The following KCNIP4 variants were observed in gnomAD, a reference collection of about 807,000 sequenced individuals.
The protein encoded by KCNIP4 is potassium voltage-gated channel interacting protein 4.
Under a neutral mutation model 34.0 loss-of-function variants are expected in KCNIP4, and 12 were observed. The ratio of observed to expected loss-of-function variants is 0.35; its 90% CI spans 0.23 to 0.57. The LOEUF is 0.57. Among genes scored for constraint, KCNIP4 ranks in the 20% least tolerant of loss-of-function variants. KCNIP4 has a pLI of 0.83. For synonymous variants in KCNIP4, 124 were observed against 102.2 expected, an observed-to-expected ratio of 1.21 and a Z score of -1.29; for missense variants, 238 against 311.7, an observed-to-expected ratio of 0.76 and a Z score of 1.78.
chr4:20,968,653 C>G (rs1394719928), intron 1 of KCNIP4, among the ~76,000 whole-genome samples: 1 of 152,006 alleles, frequency 6.6e-6, no homozygotes, highest in African/African-American at 2.4e-5. Flanking sequence ...TGGAAACCAT[C>G]ATTCTCAGCA....
chr4:21,287,558 G>T (rs1265338101), intron 1 of KCNIP4, among the ~76,000 whole-genome samples: 1 of 152,168 alleles, frequency 6.6e-6, no homozygotes, highest in East Asian at 1.9e-4. Flanking sequence ...CCATGTGTCA[G>T]ATGAGGAACC....
At chr4:21,881,175 T>C (rs958955958) in intron 1 of KCNIP4, among the ~76,000 whole-genome samples, 2 of 152,168 alleles carry the variant, frequency 1.3e-5, no homozygotes, top group African/African-American at 4.8e-5. Context: ...TTTGCTGTTC[T>C]GTCTTGACTA....
intron 4 of KCNIP4, among the ~76,000 whole-genome samples, chr4:20,753,128 C>G (rs1339563619): frequency 4.6e-5 from 7 of 152,088 alleles, no homozygotes; most frequent in Non-Finnish European, 1.0e-4. Context: ...TTTACAGATT[C>G]TTAGGGTGGG....
At chr4:21,139,594 A>G (rs1751779489) in intron 1 of KCNIP4, among the ~76,000 whole-genome samples, 1 of 152,052 alleles carries the variant, frequency 6.6e-6, no homozygotes, top group African/African-American at 2.4e-5. Flanking sequence ...CCCACATCCA[A>G]AGAGACATGA....
At chr4:21,629,182 G>A (rs1476608660) in intron 1 of KCNIP4, among the ~76,000 whole-genome samples, 1 of 152,142 alleles carries the variant, frequency 6.6e-6, no homozygotes, top group African/African-American at 2.4e-5. Flanking sequence ...CAGTGCAAAA[G>A]AAAAGCTTGG....
intron 3 of KCNIP4, among the ~76,000 whole-genome samples, chr4:20,777,302 A>G (rs1251112778): frequency 2.6e-5 from 4 of 152,140 alleles, no homozygotes; most frequent in Non-Finnish European, 5.9e-5. Context: ...TGAGAATAGC[A>G]TGGGGGCAAC....
chr4:21,442,651 T>C (rs929852810), intron 1 of KCNIP4, among the ~76,000 whole-genome samples: 3 of 152,228 alleles, frequency 2.0e-5, no homozygotes, highest in Admixed American at 6.5e-5. Context: ...TTTTCACTGA[T>C]GGCTTTCCAT....
chr4:21,519,652 A>G (rs1273023524), intron 1 of KCNIP4, among the ~76,000 whole-genome samples: 1 of 140,328 alleles, frequency 7.1e-6, no homozygotes, highest in Non-Finnish European at 1.5e-5. Flanking sequence ...GTGTGTATGT[A>G]TGTGTATATA....
At chr4:20,988,173 G>A (rs1736766929) in intron 1 of KCNIP4, among the ~76,000 whole-genome samples, 1 of 152,048 alleles carries the variant, frequency 6.6e-6, no homozygotes, top group African/African-American at 2.4e-5. Flanking sequence ...GGTATACTCG[G>A]TACCAGGTTC....
chr4:20,775,428 C>A lies in KCNIP4; in HGVS notation c.289-16538G>T, dbSNP rs187085041. 2.4e-3 allele frequency among the ~76,000 whole-genome samples: 369 copies of A among 151,226 alleles called. 3 individuals are homozygous for A. Among genetic ancestry groups the A allele is most frequent in the African/African-American group, 8.5e-3 (352 of 41,186 alleles). On this transcript the variant is annotated intron_variant, in intron 3 of 8. Coordinates refer to ENST00000382152, the MANE Select transcript of KCNIP4 (RefSeq NM_025221.6). ...AATAATAACGAGTCCAGGCCAGACA[C>A]AGTGGTTCATGCCTGTAATCCCAGC... is the stretch of plus-strand genomic sequence containing the variant.
intron 1 of KCNIP4, among the ~76,000 whole-genome samples, chr4:21,556,810 A>G (rs545907713): frequency 3.8e-4 from 57 of 151,192 alleles, no homozygotes; most frequent in Non-Finnish European, 7.7e-4. Context: ...AATCCCAGCT[A>G]CTCAGGAGGC....
At chr4:21,571,370 C>T (rs1740356301) in intron 1 of KCNIP4, among the ~76,000 whole-genome samples, 2 of 152,282 alleles carry the variant, frequency 1.3e-5, no homozygotes, top group South Asian at 4.1e-4. Context: ...CCTGCACATC[C>T]ATGCAGACCT....
At chr4:20,932,628 C>T (rs1730597478) in intron 1 of KCNIP4, among the ~76,000 whole-genome samples, 2 of 151,960 alleles carry the variant, frequency 1.3e-5, no homozygotes. Context: ...ACCATAGTAA[C>T]CATTTTACTA....
chr4:21,221,032 A>G (rs1046089017), intron 1 of KCNIP4, among the ~76,000 whole-genome samples: 2 of 152,208 alleles, frequency 1.3e-5, no homozygotes, highest in African/African-American at 4.8e-5. Context: ...AGGTATTTAA[A>G]TTAGCTACAG....
intron 1 of KCNIP4, among the ~76,000 whole-genome samples, chr4:21,073,241 T>A (rs1745146595): frequency 2.0e-5 from 3 of 152,188 alleles, no homozygotes; most frequent in Admixed American, 1.3e-4. Flanking sequence ...TTGGGCAGTA[T>A]GGCCATTTTC....
chr4:21,154,120 C>G (rs1752969564), intron 1 of KCNIP4, among the ~76,000 whole-genome samples: 1 of 151,930 alleles, frequency 6.6e-6, no homozygotes, highest in Admixed American at 6.6e-5. Flanking sequence ...AGTTGTTTGC[C>G]CTTATATATA....
chr4:21,446,555 T>C (rs1280690005), intron 1 of KCNIP4, among the ~76,000 whole-genome samples: 4 of 140,428 alleles, frequency 2.8e-5, no homozygotes, highest in Admixed American at 7.9e-5. Context: ...TGTTCTCACT[T>C]ATAGGTGGGA....
At chr4:20,792,303 G>A (rs772011540) in intron 3 of KCNIP4, among the ~76,000 whole-genome samples, 4 of 152,032 alleles carry the variant, frequency 2.6e-5, no homozygotes, top group African/African-American at 9.7e-5. Flanking sequence ...GAACCCGGGG[G>A]CAGAGGTTGC....
intron 1 of KCNIP4, among the ~76,000 whole-genome samples, chr4:21,725,801 A>C (rs1429642450): frequency 6.6e-6 from 1 of 152,146 alleles, no homozygotes; most frequent in Non-Finnish European, 1.5e-5. Flanking sequence ...TCAAGTTACA[A>C]GAAAAGCACC....
Sources: allele counts gnomAD v4.1 joint callset (sites outside exome capture counted in the v4.1 genomes callset), GRCh38; gene constraint gnomAD v4.1.1; transcripts MANE v1.5; gene names NCBI Gene and HGNC (gene_info 2026-07-23, HGNC 2026-07-21).